The following SRSF7 variants were observed in gnomAD, a reference collection of about 807,000 sequenced individuals.
SRSF7 encodes serine and arginine rich splicing factor 7.
SRSF7 carries 15 observed loss-of-function variants against 42.2 expected under a neutral mutation model. The ratio of observed to expected loss-of-function variants is 0.36; its 90% CI spans 0.24 to 0.55. The LOEUF is 0.55. SRSF7 is among the 20% of genes least tolerant of loss of function. The probability of loss-of-function intolerance (pLI) is 0.88; values close to 1 mark genes in which losing one functional copy is unlikely to be tolerated. For synonymous variants in SRSF7, 138 were observed against 107.9 expected, an observed-to-expected ratio of 1.28 and a Z score of -1.73; for missense variants, 181 against 305.9, an observed-to-expected ratio of 0.59 and a Z score of 3.04.
chr2:38,751,395 G>A, upstream of SRSF7: 6 of 1,161,898 alleles, frequency 5.2e-6, no homozygotes, highest in Middle Eastern at 2.0e-4. Flanking sequence ...TATATATGCG[G>A]CCGCTGCGCT....
At chr2:38,749,314 C>G in intron 3 of SRSF7, 1 of 1,506,534 alleles carries the variant, frequency 6.6e-7, no homozygotes. Context: ...TCGTGACATT[C>G]TGAATCAAGG....
chr2:38,749,466 T>A, intron 3 of SRSF7, 63 bp downstream of exon 3: 1 of 1,546,112 alleles, frequency 6.5e-7, no homozygotes, highest in Non-Finnish European at 8.7e-7. Context: ...AGTTTCTGCC[T>A]TGCTAATAAA....
In SRSF7 at chr2:38,748,100, T is replaced by A; in HGVS notation, c.519A>T (p.Ser173=). 5 of 1,613,976 alleles carry A rather than the reference T, an allele frequency of 3.1e-6. No individual in the cohort carries two copies. In the African/African-American group the frequency reaches 6.7e-5, roughly 22 times the overall value. Residue 173 remains serine, a synonymous_variant, in exon 5 of 8, where the codon TCA becomes TCT. Transcript: ENST00000313117. ...SRSISLRRSR[S]ASLRRSRSGS... is the part of the protein sequence containing the mutation. ...CAGACCTAGATCTTCTGAGTGAAGC[T>A]GATCTTGATCTACGAAGAGAGATAG...
At chr2:38,750,965 C>G (rs1281216677) in intron 1 of SRSF7, 1 of 416,394 alleles carries the variant, frequency 2.4e-6, no homozygotes, top group Non-Finnish European at 4.5e-6. Flanking sequence ...AGAAAGGCAA[C>G]GCGAAAACCG....
Position 38,744,833 on chromosome 2 carries a change from A to C in SRSF7, c.*300T>G. On this transcript the variant is annotated 3_prime_UTR_variant, in exon 8 of 8. Transcript: ENST00000313117. ...ATGTATGAATAAGGTTAACAATTAT[A>C]ATGTCTGACTCTCAAATATATCAAA... is the stretch of plus-strand genomic sequence containing the variant. 1 of 310,736 alleles carries C rather than the reference A, an allele frequency of 3.2e-6. No individual in the cohort carries two copies. The highest frequency in any genetic ancestry group is 2.1e-5 in the African/African-American group (1 of 46,562). 19.2% of individuals were successfully genotyped at this position (310,736 alleles called of 1,614,324 possible).
chr2:38,750,343 G>T, intron 1 of SRSF7, 149 bp from the exon 2 acceptor site: 1 of 631,880 alleles, frequency 1.6e-6, no homozygotes, highest in Non-Finnish European at 2.6e-6. Context: ...TCGTAAAACT[G>T]GTGAAAGTCC....
In SRSF7 at chr2:38,744,264, T is replaced by C; in HGVS notation, c.*869A>G. Reference sequence around the variant, plus strand: ...GAATAAGACAATCCATTTGAATAGATGAAGAGTATCTGGGCTGGAAAATTT... The same window carrying C: ...GAATAAGACAATCCATTTGAATAGACGAAGAGTATCTGGGCTGGAAAATTT... On this transcript the variant is annotated 3_prime_UTR_variant, in exon 8 of 8. Transcript: ENST00000313117. 6.5e-6 allele frequency: 1 copy of C among 152,758 alleles called. No individual in the cohort carries two copies. The highest frequency in any genetic ancestry group is 2.1e-4 in the South Asian group (1 of 4,828). 9.5% of individuals were successfully genotyped at this position (152,758 alleles called of 1,614,324 possible).
At chr2:38,750,936 G>A (rs71439230) in intron 1 of SRSF7, 30,183 of 374,630 alleles carry the variant, frequency 0.081, 2,057 homozygotes, top group East Asian at 0.31. Flanking sequence ...GGGGGGAGGG[G>A]GGCCGGCGGG....
chr2:38,745,753 A>G (rs960408344), intron 7 of SRSF7, among the ~76,000 whole-genome samples: 1 of 152,190 alleles, frequency 6.6e-6, no homozygotes, highest in Non-Finnish European at 1.5e-5. Context: ...GTCATTAAGA[A>G]GCACTAGATA....
rs576217614 is a variant in SRSF7, at chr2:38,748,174, T to C, written c.462-17A>G. On this transcript the variant is annotated splice_polypyrimidine_tract_variant and intron_variant, in intron 4 of 7. Coordinates refer to ENST00000313117, the MANE Select transcript of SRSF7 (RefSeq NM_001031684.3). ...GACCTTGACCTAAAATAAAGAACTT[T>C]AAGTCCATCTCCACAGTTTTTTTTT... 6.9e-6 allele frequency: 11 copies of C among 1,582,966 alleles called. No individual in the cohort carries two copies. The highest frequency in any genetic ancestry group is 1.7e-4 in the Middle Eastern group (1 of 5,966).
At chr2:38,746,928 A>T in intron 5 of SRSF7, 181 bp from the exon 6 acceptor site, 3 of 1,002,970 alleles carry the variant, frequency 3.0e-6, no homozygotes, top group Non-Finnish European at 4.4e-6. Context: ...AGGAACCCCC[A>T]TTTCAATTAC....
intron 3 of SRSF7, chr2:38,749,327 A>T (rs1572567823): frequency 3.9e-6 from 6 of 1,520,412 alleles, no homozygotes; most frequent in Non-Finnish European, 5.3e-6. Context: ...AATCAAGGCG[A>T]CTGACTCAAA....
At position 38,746,688 on chromosome 2, in the gene SRSF7, C is replaced by T; in HGVS notation, c.626+6G>A. ...CTAGAAAAGCATAATCAAATTTTTA[C>T]CCTACCTGCTTCTTGGTCGTGAAAT... On this transcript the variant is annotated splice_donor_region_variant and intron_variant, in intron 6 of 7. Transcript: ENST00000313117. 1 of 1,613,358 alleles carries T rather than the reference C, an allele frequency of 6.2e-7. No individual in the cohort carries two copies. Among genetic ancestry groups the T allele is most frequent in the Non-Finnish European group, 8.5e-7 (1 of 1,179,832 alleles).
upstream of SRSF7, chr2:38,751,491 G>C (rs1201405044): frequency 7.0e-6 from 4 of 569,870 alleles, no homozygotes; most frequent in Admixed American, 9.0e-5. Flanking sequence ...GAACTGAAGA[G>C]ACTAACACGC....
At position 38,749,777 on chromosome 2, in the gene SRSF7, T is replaced by C. The variant is rs1468174318; in HGVS notation, c.210-72A>G. ...GGACTTATAGATTTAAAAAGAACTC[T>C]TTCCAACCACTCACTCTTTCCAACC... On this transcript the variant is annotated intron_variant, in intron 2 of 7. Transcript: ENST00000313117. 4 of 1,424,866 alleles carry C rather than the reference T, an allele frequency of 2.8e-6. No individual in the cohort carries two copies. The East Asian group carries it at 1.0e-4, about 37-fold the overall frequency. 88.3% of individuals were successfully genotyped at this position (1,424,866 alleles called of 1,614,324 possible).
chr2:38,745,782 A>G (rs1667293308), intron 7 of SRSF7, among the ~76,000 whole-genome samples: 1 of 152,172 alleles, frequency 6.6e-6, no homozygotes, highest in Non-Finnish European at 1.5e-5. Flanking sequence ...AACTATTTGA[A>G]GTTTTCTGGT....
chr2:38,749,569 C>A lies in SRSF7; in HGVS notation c.346G>T (p.Ala116Ser). Residue 116 changes from alanine (A) to serine (S), a missense_variant, in exon 3 of 8, where the codon GCT becomes TCT. Physicochemically the swap from Ala to Ser is moderately conservative, Grantham distance 99. Coordinates refer to ENST00000313117, the MANE Select transcript of SRSF7 (RefSeq NM_001031684.3). ...CYECGEKGHY[A>S]YDCHRYSRRR... ...CGGCTGTAACGATGACAATCATAAG[C>A]ATAATGTCCCTTTTCGCCACACTCA... 1 of 1,591,516 alleles carries A rather than the reference C, an allele frequency of 6.3e-7. No homozygotes were observed. Among genetic ancestry groups the A allele is most frequent in the Non-Finnish European group, 8.5e-7 (1 of 1,173,350 alleles).
intron 3 of SRSF7, 104 bp downstream of exon 3, chr2:38,749,425 C>T (rs1211963696): frequency 3.8e-6 from 6 of 1,562,792 alleles, no homozygotes; most frequent in Non-Finnish European, 1.7e-6. Flanking sequence ...TACACCTGTA[C>T]AATTAACATT....
chr2:38,745,896 C>G (rs1667320663), intron 7 of SRSF7, among the ~76,000 whole-genome samples: 1 of 152,054 alleles, frequency 6.6e-6, no homozygotes, highest in African/African-American at 2.4e-5. Context: ...AAATTTCTAC[C>G]AAGTACTCAC....
Sources: allele counts gnomAD v4.1 joint callset (sites outside exome capture counted in the v4.1 genomes callset), GRCh38; gene constraint gnomAD v4.1.1; transcripts MANE v1.5; gene names NCBI Gene and HGNC (gene_info 2026-07-23, HGNC 2026-07-21).